Variants in WWOX observed in about 807,000 individuals in gnomAD.
WWOX encodes WW domain-containing oxidoreductase.
In WWOX, 69 loss-of-function variants were observed where a neutral mutation model predicts 46.2. The ratio of observed to expected loss-of-function variants is 1.49; its 90% confidence interval spans 1.23 to 1.82. The LOEUF is 1.82. Among genes scored for constraint, WWOX ranks in the 40% most tolerant of loss-of-function variants. The pLI is 0.00. For synonymous variants in WWOX, 359 were observed against 202.6 expected (o/e 1.77, Z -6.56); for missense variants, 919 against 542.6 (o/e 1.69, Z -6.89).
intron 8 of WWOX, among the ~76,000 whole-genome samples, chr16:79,034,420 T>C (rs1120114): frequency 0.81 from 123,114 of 152,184 alleles, 50,261 homozygotes; most frequent in East Asian, 0.95. Flanking sequence ...CCAAGGTGTA[T>C]ACACTGCCTG....
intron 6 of WWOX, among the ~76,000 whole-genome samples, chr16:78,402,784 C>T (rs2082443479): frequency 6.6e-6 from 1 of 152,212 alleles, no homozygotes; most frequent in Non-Finnish European, 1.5e-5. Context: ...TATTTGACTT[C>T]TCCTGACCTC....
intron 8 of WWOX, among the ~76,000 whole-genome samples, chr16:79,001,472 C>T (rs558722870): frequency 6.6e-6 from 1 of 152,134 alleles, no homozygotes; most frequent in Admixed American, 6.5e-5. Flanking sequence ...CGTGCAGCTT[C>T]TGTTTAAGGC....
intron 8 of WWOX, among the ~76,000 whole-genome samples, chr16:79,118,783 G>A (rs1477831831): frequency 6.6e-6 from 1 of 152,082 alleles, no homozygotes; most frequent in Non-Finnish European, 1.5e-5. Flanking sequence ...ATTGCCATAC[G>A]CCCATTTGGC....
At chr16:78,837,866 T>C (rs892161654) in intron 8 of WWOX, among the ~76,000 whole-genome samples, 1 of 152,200 alleles carries the variant, frequency 6.6e-6, no homozygotes, top group Admixed American at 6.5e-5. Flanking sequence ...TCAATAAATA[T>C]AAAGGTAAGT....
intron 8 of WWOX, among the ~76,000 whole-genome samples, chr16:78,587,179 C>T (rs962967015): frequency 6.9e-6 from 1 of 145,742 alleles, no homozygotes; most frequent in African/African-American, 2.7e-5. Context: ...GCAGATGCCA[C>T]CATGCCTGGC....
At chr16:78,668,816 C>T (rs985699081) in intron 8 of WWOX, among the ~76,000 whole-genome samples, 1 of 152,146 alleles carries the variant, frequency 6.6e-6, no homozygotes, top group East Asian at 1.9e-4. Flanking sequence ...CAGACATGGG[C>T]ACCTTCAGAG....
In WWOX at chr16:78,421,108, T is replaced by C. The variant is rs59810893; in HGVS notation, c.606-3762T>C. On this transcript the variant is annotated intron_variant, in intron 6 of 8. Transcript: ENST00000566780. ...CTTGGGCATAAACGTTTATATGAAT[T>C]TTGAATATTAGGAAATAATCTTGGA... Among the ~76,000 whole-genome samples the C allele has an allele frequency of 3.9e-5, 6 of 152,328 alleles. No individual in the cohort carries two copies. In the East Asian group the frequency reaches 1.2e-3, roughly 29 times the overall value.
intron 8 of WWOX, among the ~76,000 whole-genome samples, chr16:78,787,675 A>G (rs1055858704): frequency 6.6e-6 from 1 of 152,112 alleles, no homozygotes; most frequent in African/African-American, 2.4e-5. Flanking sequence ...ATTCTTGGGC[A>G]TATTTTGGGG....
At chr16:78,960,185 A>G (rs1412918611) in intron 8 of WWOX, among the ~76,000 whole-genome samples, 3 of 152,170 alleles carry the variant, frequency 2.0e-5, no homozygotes, top group African/African-American at 7.2e-5. Flanking sequence ...TTGTGGTGTA[A>G]AAGATAGTAC....
intron 8 of WWOX, among the ~76,000 whole-genome samples, chr16:78,713,109 C>T (rs1016247994): frequency 1.3e-5 from 2 of 151,350 alleles, no homozygotes; most frequent in African/African-American, 2.4e-5. Flanking sequence ...CATCTCTACA[C>T]CGAATTTAAA....
In WWOX at chr16:78,771,784, TAA is replaced by T. The variant is rs565585213; in HGVS notation, c.1056+339034_1056+339035del. 3.9e-3 allele frequency among the ~76,000 whole-genome samples: 581 copies of T among 148,556 alleles called. 7 individuals carry two copies. Among genetic ancestry groups the T allele is most frequent in the Middle Eastern group, 0.017 (5 of 290 alleles). On this transcript the variant is annotated intron_variant, in intron 8 of 8. Transcript: ENST00000566780. The stretch of plus-strand genomic sequence containing the variant: ...AAGACTCTGTCTCACAATAAATAAA[TAA>T]ATAAATAAATAAATAAATAAATAAA...
rs1251856296 is a variant in WWOX at position 78,297,571 on chromosome 16, C to T, written c.517-89289C>T. On this transcript the variant is annotated intron_variant, in intron 5 of 8. Coordinates refer to ENST00000566780, the MANE Select transcript of WWOX (RefSeq NM_016373.4). Reference sequence around the variant, plus strand: ...CTGACAAATTTGAATGTATTATGGACTGAATAAATGTTTATTGAACAAATG... The same window carrying T: ...CTGACAAATTTGAATGTATTATGGATTGAATAAATGTTTATTGAACAAATG... Among the ~76,000 whole-genome samples the T allele has an allele frequency of 2.0e-5, 3 of 152,128 alleles. No individual in the cohort carries two copies. In the East Asian group the frequency reaches 5.8e-4, roughly 29 times the overall value.
intron 8 of WWOX, among the ~76,000 whole-genome samples, chr16:78,734,691 G>A (rs906039134): frequency 6.6e-6 from 1 of 151,836 alleles, no homozygotes; most frequent in African/African-American, 2.4e-5. Flanking sequence ...TGGGTGAGGT[G>A]AACATTTAAA....
At chr16:78,557,689 A>AGTTTTTTTTTTTTT (rs2044336297) in intron 8 of WWOX, among the ~76,000 whole-genome samples, 2 of 96,646 alleles carry the variant, frequency 2.1e-5, no homozygotes, top group African/African-American at 5.2e-5. Flanking sequence ...CTAGGGAAGG[A>AGTTTTTTTTTTTTT]TTTTTTTTTT....
At chr16:78,278,701 A>G (rs2079624501) in intron 5 of WWOX, 1 of 1,554,206 alleles carries the variant, frequency 6.4e-7, no homozygotes, top group Non-Finnish European at 8.8e-7. Context: ...CTCATCAATT[A>G]CATCTTCTTT....
At chr16:79,194,821 A>G (rs1037403392) in intron 8 of WWOX, among the ~76,000 whole-genome samples, 1 of 152,160 alleles carries the variant, frequency 6.6e-6, no homozygotes, top group Admixed American at 6.5e-5. Context: ...GAGAGAGTGC[A>G]TACAAAAACG....
At chr16:78,897,874 G>C (rs964664717) in intron 8 of WWOX, 7 of 152,092 alleles carry the variant, frequency 4.6e-5, no homozygotes, top group African/African-American at 1.7e-4. Context: ...TTGTGGGTGA[G>C]AAACGCTATC....
chr16:78,363,509 G>T (rs905197944), intron 5 of WWOX, among the ~76,000 whole-genome samples: 1 of 151,988 alleles, frequency 6.6e-6, no homozygotes, highest in African/African-American at 2.4e-5. Context: ...GAACTCCTGG[G>T]CTCAACTGAT....
At chr16:78,796,361 A>G (rs532671540) in intron 8 of WWOX, among the ~76,000 whole-genome samples, 1 of 152,316 alleles carries the variant, frequency 6.6e-6, no homozygotes, top group African/African-American at 2.4e-5. Flanking sequence ...GGGAAGAAAA[A>G]GTACAAGTTT....
Sources: allele counts gnomAD v4.1 joint callset (sites outside exome capture counted in the v4.1 genomes callset), GRCh38; gene constraint gnomAD v4.1.1; transcripts MANE v1.5; gene names NCBI Gene and HGNC (gene_info 2026-07-23, HGNC 2026-07-21).